FSHR: variants seen among roughly 807,000 people sequenced by gnomAD.
FSHR encodes follicle stimulating hormone receptor.
Under a neutral mutation model 52.1 loss-of-function variants are expected in FSHR, and 46 were observed. The ratio of observed to expected loss-of-function variants is 0.88; its 90% CI spans 0.70 to 1.13. FSHR has a LOEUF of 1.13. Among genes scored for constraint, FSHR ranks in the 50% most tolerant of loss-of-function variants. The pLI, the probability that FSHR is intolerant of heterozygous loss-of-function variation, is 0.00. For synonymous variants in FSHR, 399 were observed against 309.6 expected, an observed-to-expected ratio of 1.29 and a Z score of -3.03; for missense variants, 964 against 834.6, an observed-to-expected ratio of 1.16 and a Z score of -1.91.
At chr2:49,019,967 A>G in intron 3 of FSHR, 119 bp downstream of exon 3, 2 of 897,824 alleles carry the variant, frequency 2.2e-6, no homozygotes, top group African/African-American at 1.6e-5. Flanking sequence ...TTGACATCTT[A>G]TAATGACAAT....
At chr2:49,105,337 G>A (rs866624554) in intron 1 of FSHR, among the ~76,000 whole-genome samples, 13 of 151,984 alleles carry the variant, frequency 8.6e-5, no homozygotes, top group African/African-American at 2.9e-4. Context: ...CCCCTCCTTA[G>A]TTTTCTCCAC....
intron 3 of FSHR, among the ~76,000 whole-genome samples, chr2:49,018,754 C>T (rs1558393098): frequency 6.6e-6 from 1 of 151,976 alleles, no homozygotes; most frequent in Non-Finnish European, 1.5e-5. Flanking sequence ...AGGTAGGAGG[C>T]AGAGTGGGTA....
intron 4 of FSHR, among the ~76,000 whole-genome samples, chr2:49,003,877 C>T (rs531478887): frequency 6.6e-6 from 1 of 152,022 alleles, no homozygotes. Flanking sequence ...CCCTGCCCTG[C>T]CTCCTCTGGC....
intron 1 of FSHR, among the ~76,000 whole-genome samples, chr2:49,089,718 G>A (rs1049233052): frequency 2.6e-5 from 4 of 152,148 alleles, no homozygotes; most frequent in Admixed American, 1.3e-4. Context: ...TGAGATATGT[G>A]TCTTGATTTT....
At chr2:48,971,454 T>C (rs554990420) in intron 8 of FSHR, among the ~76,000 whole-genome samples, 1 of 152,336 alleles carries the variant, frequency 6.6e-6, no homozygotes, top group East Asian at 1.9e-4. Flanking sequence ...CCTCATTTGT[T>C]CCTCAAGTCC....
chr2:49,026,168 A>G (rs988357488), intron 2 of FSHR, among the ~76,000 whole-genome samples: 1 of 152,242 alleles, frequency 6.6e-6, no homozygotes, highest in Non-Finnish European at 1.5e-5. Context: ...AAGTACCTTC[A>G]GTGGCTCAGC....
intron 1 of FSHR, among the ~76,000 whole-genome samples, chr2:49,140,064 G>A (rs139947143): frequency 1.2e-4 from 19 of 152,264 alleles, no homozygotes; most frequent in Admixed American, 3.9e-4. Context: ...AGGGAACTAT[G>A]GATTTGTTAG....
intron 1 of FSHR, among the ~76,000 whole-genome samples, chr2:49,137,665 A>T (rs1339575955): frequency 2.0e-5 from 3 of 152,108 alleles, no homozygotes; most frequent in Non-Finnish European, 4.4e-5. Context: ...AAACAATGAG[A>T]GTCCAGAAAT....
At chr2:49,020,866 C>G (rs2104222347) in intron 2 of FSHR, among the ~76,000 whole-genome samples, 1 of 152,260 alleles carries the variant, frequency 6.6e-6, no homozygotes, top group East Asian at 1.9e-4. Context: ...CATATTCTCA[C>G]TTATAAGTGG....
intron 1 of FSHR, among the ~76,000 whole-genome samples, chr2:49,151,785 C>T (rs1437896605): frequency 6.6e-6 from 1 of 151,994 alleles, no homozygotes; most frequent in Non-Finnish European, 1.5e-5. Flanking sequence ...CCATTTCATC[C>T]CTGTTCTGCC....
At chr2:49,102,607 T>C (rs537382749) in intron 1 of FSHR, among the ~76,000 whole-genome samples, 1 of 152,234 alleles carries the variant, frequency 6.6e-6, no homozygotes, top group East Asian at 1.9e-4. Context: ...TGAAAGTGAG[T>C]GCTGAAGTTC....
intron 4 of FSHR, among the ~76,000 whole-genome samples, chr2:49,007,597 TAAG>T (rs1362536948): frequency 2.0e-5 from 3 of 152,108 alleles, no homozygotes; most frequent in African/African-American, 4.8e-5. Context: ...AGGGGTTCTG[TAAG>T]AAGGCTCCTT....
At chr2:49,014,457 G>T (rs1667408423) in intron 4 of FSHR, among the ~76,000 whole-genome samples, 1 of 151,276 alleles carries the variant, frequency 6.6e-6, no homozygotes, top group South Asian at 2.1e-4. Context: ...AGAGGCAAAG[G>T]CATAGCTCTG....
At chr2:48,980,354 C>T (rs2300437) in intron 8 of FSHR, among the ~76,000 whole-genome samples, 33,692 of 152,060 alleles carry the variant, frequency 0.22, 5,646 homozygotes, top group African/African-American at 0.47. Context: ...GTAAGAAGGA[C>T]AAAACAATGG....
intron 1 of FSHR, among the ~76,000 whole-genome samples, chr2:49,151,954 C>G (rs1301916927): frequency 2.0e-5 from 3 of 152,064 alleles, no homozygotes; most frequent in African/African-American, 4.8e-5. Context: ...TTTTTAAAAT[C>G]TAATAGACAA....
At chr2:49,129,272 C>T (rs1435647812) in intron 1 of FSHR, among the ~76,000 whole-genome samples, 1 of 152,120 alleles carries the variant, frequency 6.6e-6, no homozygotes, top group Non-Finnish European at 1.5e-5. Context: ...GATTCTGAGT[C>T]ATCCCTTGCC....
At chr2:49,103,816 G>A (rs755522788) in intron 1 of FSHR, among the ~76,000 whole-genome samples, 4 of 152,082 alleles carry the variant, frequency 2.6e-5, no homozygotes, top group South Asian at 2.1e-4. Flanking sequence ...CTCTATCTAT[G>A]CCCTGGATGA....
At chr2:49,071,957 A>G (rs1504169) in intron 1 of FSHR, among the ~76,000 whole-genome samples, 73,895 of 151,890 alleles carry the variant, frequency 0.49, 18,141 homozygotes, top group African/African-American at 0.55. Context: ...ACTAGGTCAC[A>G]TCTCCAACAA....
intron 2 of FSHR, among the ~76,000 whole-genome samples, chr2:49,037,799 A>G (rs1572664623): frequency 6.6e-6 from 1 of 152,182 alleles, no homozygotes; most frequent in African/African-American, 2.4e-5. Flanking sequence ...AGGATAGCAT[A>G]AGAAATTCCA....
Sources: gnomAD v4.1 joint callset for allele counts (sites outside exome capture counted in the v4.1 genomes callset) on GRCh38, gnomAD v4.1.1 for gene constraint, MANE v1.5 for transcripts, NCBI Gene and HGNC (gene_info 2026-07-23, HGNC 2026-07-21) for gene names.